Variants in GPR153 observed in about 807,000 individuals in gnomAD.
GPR153 encodes G protein-coupled receptor 153, also known as probable G protein-coupled receptor 153.
In GPR153, 27 loss-of-function variants were observed where a neutral mutation model predicts 34.1. The ratio of observed to expected loss-of-function variants is 0.79; its 90% CI spans 0.58 to 1.09. The LOEUF is 1.09. Ranked by LOEUF, GPR153 falls within the 50% of genes least tolerant of loss-of-function variation. The probability of loss-of-function intolerance (pLI) is 0.00; values close to 1 mark genes in which losing one functional copy is unlikely to be tolerated. For synonymous variants in GPR153, 408 were observed against 405.4 expected, an observed-to-expected ratio of 1.01 and a Z score of -0.08; for missense variants, 848 against 860.2, an observed-to-expected ratio of 0.99 and a Z score of 0.18.
chr1:6,257,701 G>C (rs762401235), intron 1 of GPR153, among the ~76,000 whole-genome samples: 1 of 152,262 alleles, frequency 6.6e-6, no homozygotes, highest in Non-Finnish European at 1.5e-5. Context: ...AGGAAGTGCC[G>C]ATGGCCTTTC....
intron 1 of GPR153, among the ~76,000 whole-genome samples, chr1:6,260,102 G>A (rs1013695498): frequency 4.6e-5 from 7 of 152,200 alleles, no homozygotes; most frequent in Middle Eastern, 6.3e-3. Flanking sequence ...GCGGGGCCGG[G>A]GCGTGACGTC....
chr1:6,249,147 C>A lies in GPR153; in HGVS notation c.*191G>T. 2.4e-6 allele frequency: 1 copy of A among 414,674 alleles called. No individual in the cohort carries two copies. The highest frequency in any genetic ancestry group is 4.1e-6 in the Non-Finnish European group (1 of 245,504). The allele number at this position is 414,674 out of a possible 1,614,324, so 25.7% of individuals were successfully genotyped here. A position where few individuals can be genotyped will look rare whatever the true frequency, so the allele number is the denominator to read the frequency against. On this transcript the variant is annotated 3_prime_UTR_variant, in exon 6 of 6. Coordinates refer to ENST00000377893, the MANE Select transcript of GPR153 (RefSeq NM_207370.4). The surrounding 1 kb of genome is among the most constrained non-coding windows in gnomAD (Gnocchi z 4.3). ...GACATGCGGTGCCCAGCGCAGTCGT[C>A]CGGGGCAGCCGTCGCCCCTGGGACA...
chr1:6,260,462 C>T (rs1354402649), intron 1 of GPR153, among the ~76,000 whole-genome samples: 1 of 151,710 alleles, frequency 6.6e-6, no homozygotes. Context: ...TGCCCCACCC[C>T]GAGGGCGCGT....
In GPR153 at chr1:6,254,601, G is replaced by T. The variant is rs904330254; in HGVS notation, c.305C>A (p.Thr102Asn). 6.8e-6 allele frequency: 11 copies of T among 1,605,878 alleles called. No homozygotes were observed. Among genetic ancestry groups the T allele is most frequent in the Non-Finnish European group, 9.4e-6 (11 of 1,175,362 alleles). ...CCACATGCGGTGGTAGGAGAGGGAG[G>T]TGACAGAGAAACAGGTGGCCAGGGT... ...TLTLATCFSV[T>N]SLSYHRMWMV... The change falls in exon 2 of 6, where the codon ACC becomes AAC. Residue 102 changes from threonine to asparagine, a missense_variant. Thr to Asn is a moderately conservative substitution (Grantham distance 65). Coordinates refer to ENST00000377893, the MANE Select transcript of GPR153 (RefSeq NM_207370.4).
In GPR153 at chr1:6,254,812, C is replaced by G; in HGVS notation, c.94G>C (p.Val32Leu). 6.2e-7 allele frequency: 1 copy of G among 1,613,096 alleles called. No individual in the cohort carries two copies. The highest frequency in any genetic ancestry group is 8.5e-7 in the Non-Finnish European group (1 of 1,179,768). The change falls in exon 2 of 6, where the codon GTT becomes CTT. Residue 32 changes from valine (V) to leucine (L), a missense_variant. Coordinates refer to ENST00000377893, the MANE Select transcript of GPR153 (RefSeq NM_207370.4). ...TTCCACTTCTTCTGCTTGGCGCCAA[C>G]GCTGAGGATGCCCCAGGCATTGGCC... Reference protein sequence around the residue: ...LLANAWGILSVGAKQKKWKPL... With the variant: ...LLANAWGILSLGAKQKKWKPL...
rs558506197 is a variant in GPR153, at chr1:6,254,920, C to T, written c.-15G>A. The T allele has an allele frequency of 2.8e-5, 42 of 1,515,772 alleles. No individual in the cohort carries two copies. In the African/African-American group the frequency reaches 5.6e-4, roughly 20 times the overall value. The allele number at this position is 1,515,772 out of a possible 1,614,324, so 93.9% of individuals were successfully genotyped here. On this transcript the variant is annotated 5_prime_UTR_variant, in exon 2 of 6. Coordinates refer to ENST00000377893, the MANE Select transcript of GPR153 (RefSeq NM_207370.4). Reference sequence around the variant, plus strand: ...TCATCACTCATGGTGCAGACCGGAGCTGGCAGGCGGCTGTGGCATCCTCCT... The same window carrying T: ...TCATCACTCATGGTGCAGACCGGAGTTGGCAGGCGGCTGTGGCATCCTCCT...
Position 6,249,353 on chromosome 1 carries a change from C to T in GPR153, c.1815G>A (p.Leu605=). 3.0e-6 allele frequency: 4 copies of T among 1,321,600 alleles called. No homozygotes were observed. Among genetic ancestry groups the T allele is most frequent in the Non-Finnish European group, 3.9e-6 (4 of 1,038,042 alleles). The allele number at this position is 1,321,600 out of a possible 1,614,324, so 81.9% of individuals were successfully genotyped here. ...SGYATLHSDS[L]GSAS ...GCCGGCGGTCCTAGGACGCGGAGCC[C>T]AGCGAGTCCGAGTGCAGCGTGGCGT... The change falls in exon 6 of 6, where the codon CTG becomes CTA. Residue 605 remains leucine, a synonymous_variant. Coordinates refer to ENST00000377893, the MANE Select transcript of GPR153 (RefSeq NM_207370.4). The surrounding 1 kb of genome is among the most constrained non-coding windows in gnomAD (Gnocchi z 4.3).
chr1:6,253,621 G>A, intron 3 of GPR153, 97 bp downstream of exon 3: 1 of 1,093,776 alleles, frequency 9.1e-7, no homozygotes, highest in East Asian at 2.5e-5. Context: ...CCATCTCAAA[G>A]GATTGGGTCT....
chr1:6,260,239 CCGCG>C (rs1477597648), intron 1 of GPR153, among the ~76,000 whole-genome samples: 1 of 152,122 alleles, frequency 6.6e-6, no homozygotes, highest in African/African-American at 2.4e-5. Flanking sequence ...CGGTCTCCGC[CCGCG>C]CTGCAGCCGA....
chr1:6,254,162 G>A lies in GPR153; in HGVS notation c.357-15C>T, dbSNP rs745940481. ...CATTGCTCAGCCTGGCATGAGGCAG[G>A]GTGGAACAGAGGGATCTGGCGTCAC... On this transcript the variant is annotated splice_polypyrimidine_tract_variant and intron_variant, in intron 2 of 5. Coordinates refer to ENST00000377893, the MANE Select transcript of GPR153 (RefSeq NM_207370.4). 1.9e-6 allele frequency: 3 copies of A among 1,595,720 alleles called. No homozygotes were observed. The highest frequency in any genetic ancestry group is 2.3e-5 in the South Asian group (2 of 88,784).
intron 3 of GPR153, among the ~76,000 whole-genome samples, chr1:6,252,761 G>A (rs146302460): frequency 8.2e-4 from 125 of 152,286 alleles, no homozygotes; most frequent in East Asian, 2.1e-3. Flanking sequence ...GGGGATGGGC[G>A]TAGAGTCCTG....
At chr1:6,254,504 C>T (rs1638519528) in intron 2 of GPR153, 46 bp downstream of exon 2, 6 of 1,473,090 alleles carry the variant, frequency 4.1e-6, no homozygotes, top group Non-Finnish European at 5.5e-6. Context: ...TCTTTGTTTT[C>T]ACGCCTGCTT....
chr1:6,255,091 G>A (rs1638537097), intron 1 of GPR153, 77 bp from the exon 2 acceptor site: 2 of 483,954 alleles, frequency 4.1e-6, no homozygotes, highest in Admixed American at 3.8e-5. Flanking sequence ...ACTTGGGATG[G>A]GAGATGGCGA....
intron 1 of GPR153, among the ~76,000 whole-genome samples, chr1:6,257,422 G>A (rs1471808970): frequency 1.3e-5 from 2 of 152,216 alleles, no homozygotes; most frequent in African/African-American, 4.8e-5. Context: ...TGGTCTTCCA[G>A]AGCCAGGACC....
Position 6,253,876 on chromosome 1 carries a change from G to A in GPR153, c.628C>T (p.Arg210Cys), listed in dbSNP as rs752052507. The A allele has an allele frequency of 2.6e-5, 42 of 1,602,870 alleles. No homozygotes were observed. The highest frequency in any genetic ancestry group is 4.4e-5 in the South Asian group (4 of 90,512). The part of the protein sequence containing the change: ...AVQVGRQADR[R>C]AFTVPTIVVE... ...ACGATGGTGGGCACGGTGAAGGCGCGGCGGTCGGCCTGGCGCCCCACCTGC... is the reference window on the plus strand; with the variant it reads ...ACGATGGTGGGCACGGTGAAGGCGCAGCGGTCGGCCTGGCGCCCCACCTGC... The change falls in exon 3 of 6, where the codon CGC (arginine) becomes TGC (cysteine). Residue 210 changes from arginine (R) to cysteine (C), a missense_variant. Physicochemically the swap from Arg to Cys is radical, Grantham distance 180. Transcript: ENST00000377893.
At chr1:6,256,790 C>A (rs988267583) in intron 1 of GPR153, among the ~76,000 whole-genome samples, 1 of 152,202 alleles carries the variant, frequency 6.6e-6, no homozygotes, top group African/African-American at 2.4e-5. Flanking sequence ...GGCAAGTGCT[C>A]CCACACCCGG....
In GPR153 at chr1:6,247,553, TTA is replaced by T. The variant is rs1343364526; in HGVS notation, c.*1783_*1784del. The T allele has an allele frequency of 6.6e-6, 1 of 152,226 alleles. No individual in the cohort carries two copies. Among genetic ancestry groups the T allele is most frequent in the Non-Finnish European group, 1.5e-5 (1 of 68,054 alleles). The allele number at this position is 152,226 out of a possible 1,614,324, so 9.4% of individuals were successfully genotyped here. On this transcript the variant is annotated 3_prime_UTR_variant, in exon 6 of 6. Transcript: ENST00000377893. The stretch of plus-strand genomic sequence containing the variant: ...GGTCCTCCACTTGGGGTCTCCCCCT[TTA>T]TGTTTGTAAAAACCGCAGGATTGGA...
intron 4 of GPR153, among the ~76,000 whole-genome samples, chr1:6,250,922 G>C (rs1638434134): frequency 6.6e-6 from 1 of 152,206 alleles, no homozygotes; most frequent in Non-Finnish European, 1.5e-5. Context: ...GGGGCTGGCA[G>C]TGCCTGGACA....
At position 6,255,642 on chromosome 1, in the gene GPR153, G is replaced by GTTTTTTTT. The variant is rs59403526; in HGVS notation, c.-109-636_-109-629dup. ...GGCCTGCACCACTATGCCTGGCTAC[G>GTTTTTTTT]TTTTTTTTTTTTTTTTTTTTTTTTT... On this transcript the variant is annotated intron_variant, in intron 1 of 5. Transcript: ENST00000377893. Among the ~76,000 whole-genome samples, 259 of 38,824 alleles carry GTTTTTTTT rather than the reference G, an allele frequency of 6.7e-3. 47 individuals are homozygous for GTTTTTTTT. Among genetic ancestry groups the GTTTTTTTT allele is most frequent in the African/African-American group, 0.023 (244 of 10,388 alleles). The allele number at this position is 38,824 out of a possible 152,430, so 25.5% of individuals were successfully genotyped here.
Sources: allele counts gnomAD v4.1 joint callset (sites outside exome capture counted in the v4.1 genomes callset), GRCh38; gene constraint gnomAD v4.1.1; non-coding constraint Gnocchi (gnomAD v3.1); transcripts MANE v1.5; gene names NCBI Gene and HGNC (gene_info 2026-07-23, HGNC 2026-07-21).